Variants in RPS6KA1 observed in about 807,000 individuals in gnomAD.
The protein encoded by RPS6KA1 is ribosomal protein S6 kinase alpha-1.
In RPS6KA1, 48 loss-of-function variants were observed where a neutral mutation model predicts 91.3. The observed-to-expected ratio is 0.53, with a 90% CI of 0.42 to 0.67. The LOEUF (loss-of-function observed/expected upper bound fraction) is 0.67, where lower values mean the gene tolerates loss of function less well. RPS6KA1 is among the 30% of genes least tolerant of loss of function. The pLI is 0.00. For synonymous variants in RPS6KA1, 359 were observed against 384.7 expected, an observed-to-expected ratio of 0.93 and a Z score of 0.78; for missense variants, 719 against 960.5, an observed-to-expected ratio of 0.75 and a Z score of 3.32.
In RPS6KA1 at chr1:26,540,853, C is replaced by T. The variant is rs796974464; in HGVS notation, c.108+3884C>T. 3.9e-5 allele frequency among the ~76,000 whole-genome samples: 6 copies of T among 152,162 alleles called. No homozygotes were observed. Among genetic ancestry groups the T allele is most frequent in the Non-Finnish European group, 7.4e-5 (5 of 68,016 alleles). ...TTGCCCAGGCTGGAGTGCAATGGCA[C>T]GATCTTGGCTCACCACAACCTCCGC... On this transcript the variant is annotated intron_variant, in intron 2 of 21. Coordinates refer to ENST00000374168, the MANE Select transcript of RPS6KA1 (RefSeq NM_002953.4). This position sits in a 1 kb window ranked among gnomAD's most constrained non-coding sequence, Gnocchi z 4.2.
At chr1:26,563,494 T>C (rs532676657) in intron 17 of RPS6KA1, among the ~76,000 whole-genome samples, 219 of 152,358 alleles carry the variant, frequency 1.4e-3, no homozygotes, top group Non-Finnish European at 2.7e-3. Flanking sequence ...CCCAAAGTGC[T>C]GGGATTACAG....
intron 1 of RPS6KA1, chr1:26,530,955 G>A (rs1557485395): frequency 8.8e-7 from 1 of 1,132,026 alleles, no homozygotes; most frequent in Non-Finnish European, 1.1e-6. Context: ...AGGGAATGGA[G>A]ACCTCATTTG....
chr1:26,551,709 C>T lies in RPS6KA1; in HGVS notation c.454C>T (p.Arg152Trp), dbSNP rs375857541. The change falls in exon 6 of 22, where the codon CGG becomes TGG. Residue 152 changes from arginine to tryptophan, a missense_variant. Arg to Trp is a moderately radical substitution (Grantham distance 101). Transcript: ENST00000374168. This position sits in a 1 kb window ranked among gnomAD's most constrained non-coding sequence, Gnocchi z 4.5. ...DFLRGGDLFT[R>W]LSKEVMFTEE... Reference sequence around the variant, plus strand: ...CCTGCGTGGTGGGGACCTCTTCACCCGGCTCTCAAAAGAGGTGAGCTGACA... The same window carrying T: ...CCTGCGTGGTGGGGACCTCTTCACCTGGCTCTCAAAAGAGGTGAGCTGACA... 2.4e-5 allele frequency: 39 copies of T among 1,613,842 alleles called. No homozygotes were observed. Among genetic ancestry groups the T allele is most frequent in the Middle Eastern group, 1.6e-4 (1 of 6,084 alleles).
At chr1:26,548,416 T>G (rs2076016435) in intron 4 of RPS6KA1, among the ~76,000 whole-genome samples, 1 of 151,780 alleles carries the variant, frequency 6.6e-6, no homozygotes, top group Non-Finnish European at 1.5e-5. Flanking sequence ...GGAGGATGAG[T>G]GGATTTCTCT....
At chr1:26,573,815 G>T (rs146812836) in intron 21 of RPS6KA1, among the ~76,000 whole-genome samples, 1 of 152,082 alleles carries the variant, frequency 6.6e-6, no homozygotes, top group Non-Finnish European at 1.5e-5. Context: ...GCAAGCGCCT[G>T]TAATCCCAGC....
intron 2 of RPS6KA1, chr1:26,545,847 G>T: frequency 2.7e-6 from 4 of 1,501,052 alleles, no homozygotes; most frequent in Non-Finnish European, 2.7e-6. Flanking sequence ...CCACCACTGC[G>T]GCAGCCCCGG....
At chr1:26,536,799 T>C in intron 1 of RPS6KA1, 126 bp from the exon 2 acceptor site, 2 of 1,048,722 alleles carry the variant, frequency 1.9e-6, no homozygotes, top group Admixed American at 3.6e-5. Context: ...CACCCAGGAC[T>C]CCTGCCCTAC....
rs1280024772 is a variant in RPS6KA1 at position 26,555,492 on chromosome 1, T to C, written c.828-45T>C. 1 of 1,534,900 alleles carries C rather than the reference T, an allele frequency of 6.5e-7. No homozygotes were observed. Among genetic ancestry groups the C allele is most frequent in the East Asian group, 2.4e-5 (1 of 40,994 alleles). The stretch of plus-strand genomic sequence containing the variant: ...GACAGGGGCCGGGGGAGATGGGGCC[T>C]CTGGGGCAGGGCTCAGCCTTGATGA... On this transcript the variant is annotated intron_variant, in intron 10 of 21. Coordinates refer to ENST00000374168, the MANE Select transcript of RPS6KA1 (RefSeq NM_002953.4). The surrounding 1 kb of genome is among the most constrained non-coding windows in gnomAD (Gnocchi z 4.3).
chr1:26,543,055 G>T (rs2075960954), intron 2 of RPS6KA1: 8 of 1,234,302 alleles, frequency 6.5e-6, no homozygotes, highest in Non-Finnish European at 9.1e-6. Flanking sequence ...AGAGGGGGAA[G>T]TGAGAAGGAG....
Position 26,561,458 on chromosome 1 carries a change from C to T in RPS6KA1, c.1432-47C>T, listed in dbSNP as rs2076153582. 6.2e-7 allele frequency: 1 copy of T among 1,612,936 alleles called. No homozygotes were observed. On this transcript the variant is annotated intron_variant, in intron 16 of 21. Coordinates refer to ENST00000374168, the MANE Select transcript of RPS6KA1 (RefSeq NM_002953.4). This position sits in a 1 kb window ranked among gnomAD's most constrained non-coding sequence, Gnocchi z 5.7. ...CTGGGGCGCTGCTGACCAGGGGGCT[C>T]AGGCCTGACACTGGGGAGAAGAGCC... is the stretch of plus-strand genomic sequence containing the variant.
intron 2 of RPS6KA1, among the ~76,000 whole-genome samples, chr1:26,541,566 A>G (rs1369499668): frequency 6.6e-6 from 1 of 152,178 alleles, no homozygotes; most frequent in Non-Finnish European, 1.5e-5. Context: ...AAGAAAAAAA[A>G]GGCTGTGTGC....
At chr1:26,563,000 C>G (rs1212773344) in intron 17 of RPS6KA1, among the ~76,000 whole-genome samples, 1 of 151,426 alleles carries the variant, frequency 6.6e-6, no homozygotes. Flanking sequence ...CCATGCCTGG[C>G]TAATTTTTTT....
chr1:26,546,054 C>G (rs2075992485), intron 2 of RPS6KA1: 6 of 1,609,976 alleles, frequency 3.7e-6, no homozygotes, highest in Non-Finnish European at 5.1e-6. Flanking sequence ...GCCCGAATGT[C>G]TGGTCCTGAC....
At chr1:26,566,685 C>T (rs192632776) in intron 17 of RPS6KA1, among the ~76,000 whole-genome samples, 4 of 152,278 alleles carry the variant, frequency 2.6e-5, no homozygotes, top group Admixed American at 2.0e-4. Context: ...TGAAATGCCT[C>T]TTCAAGTCTT....
At chr1:26,572,366 T>C (rs1279641355) in intron 20 of RPS6KA1, 73 bp downstream of exon 20, 1 of 941,280 alleles carries the variant, frequency 1.1e-6, no homozygotes, top group African/African-American at 1.6e-5. Flanking sequence ...TTTTCAGCAG[T>C]TCATGAACAG....
intron 2 of RPS6KA1, among the ~76,000 whole-genome samples, chr1:26,545,420 C>T (rs963938762): frequency 1.3e-5 from 2 of 151,604 alleles, no homozygotes; most frequent in Admixed American, 6.6e-5. Flanking sequence ...TCATGATCCG[C>T]CCGCCTCAGC....
Position 26,547,273 on chromosome 1 carries a change from G to A in RPS6KA1, c.307+3G>A, listed in dbSNP as rs1266671410. ...GCTGAAGAAGGCAACGCTGAAAGGTGAGTGGGGACACCTCCCTGTGCAGAA... is the reference window on the plus strand; with the variant it reads ...GCTGAAGAAGGCAACGCTGAAAGGTAAGTGGGGACACCTCCCTGTGCAGAA... On this transcript the variant is annotated splice_donor_region_variant and intron_variant, in intron 4 of 21. Coordinates refer to ENST00000374168, the MANE Select transcript of RPS6KA1 (RefSeq NM_002953.4). This position sits in a 1 kb window ranked among gnomAD's most constrained non-coding sequence, Gnocchi z 4.1. 1.2e-6 allele frequency: 2 copies of A among 1,612,934 alleles called. No individual in the cohort carries two copies. Among genetic ancestry groups the A allele is most frequent in the South Asian group, 2.2e-5 (2 of 90,900 alleles).
intron 1 of RPS6KA1, among the ~76,000 whole-genome samples, chr1:26,530,305 G>C (rs2075858857): frequency 6.6e-6 from 1 of 152,212 alleles, no homozygotes; most frequent in African/African-American, 2.4e-5. Flanking sequence ...CTCCATTAAT[G>C]CAGACGGGGA....
intron 1 of RPS6KA1, 113 bp from the exon 2 acceptor site, chr1:26,536,812 C>T: frequency 8.2e-7 from 1 of 1,212,908 alleles, no homozygotes; most frequent in South Asian, 1.3e-5. Flanking sequence ...TGCCCTACCA[C>T]CATGGCCTCC....
Sources: allele counts gnomAD v4.1 joint callset (sites outside exome capture counted in the v4.1 genomes callset), GRCh38; gene constraint gnomAD v4.1.1; non-coding constraint Gnocchi (gnomAD v3.1); transcripts MANE v1.5; gene names NCBI Gene and HGNC (gene_info 2026-07-23, HGNC 2026-07-21).